The following CSMD1 variants were observed in gnomAD, a reference collection of about 807,000 sequenced individuals.
CSMD1 encodes the protein CUB and sushi domain-containing protein 1.
A neutral mutation model predicts 417.5 loss-of-function variants in CSMD1; 213 were observed. The observed-to-expected ratio is 0.51, with a 90% CI of 0.46 to 0.57. CSMD1 has a LOEUF of 0.57. Ranked by LOEUF, CSMD1 falls within the 20% of genes least tolerant of loss-of-function variation. CSMD1 has a pLI of 0.00. For synonymous variants in CSMD1, 2,862 were observed against 1,736.8 expected, an observed-to-expected ratio of 1.65 and a Z score of -16.11; for missense variants, 6,923 against 4,529.7, an observed-to-expected ratio of 1.53 and a Z score of -15.17.
At chr8:4,390,074 C>T (rs1233557662) in intron 3 of CSMD1, among the ~76,000 whole-genome samples, 1 of 152,154 alleles carries the variant, frequency 6.6e-6, no homozygotes, top group Admixed American at 6.5e-5. Flanking sequence ...TTGAGAATTA[C>T]CACTTCTATG....
At chr8:3,927,867 T>C (rs535554506) in intron 5 of CSMD1, among the ~76,000 whole-genome samples, 35 of 152,296 alleles carry the variant, frequency 2.3e-4, no homozygotes, top group African/African-American at 8.4e-4. Flanking sequence ...AATAGTTTCA[T>C]AAACATTCTT....
At chr8:4,036,246 C>G (rs7012834) in intron 3 of CSMD1, among the ~76,000 whole-genome samples, 31,345 of 152,028 alleles carry the variant, frequency 0.21, 3,593 homozygotes, top group East Asian at 0.39. Flanking sequence ...GTTGTTAAGT[C>G]ATGCATGACT....
At chr8:3,181,351 G>C in intron 36 of CSMD1, 137 bp from the exon 37 acceptor site, 1 of 648,188 alleles carries the variant, frequency 1.5e-6, no homozygotes. Context: ...TCTGAGTGTT[G>C]GTTTTATTAT....
intron 3 of CSMD1, among the ~76,000 whole-genome samples, chr8:4,202,859 G>T (rs913819893): frequency 6.6e-6 from 1 of 152,172 alleles, no homozygotes; most frequent in African/African-American, 2.4e-5. Context: ...TCAAATGCAG[G>T]TACCTGAGAA....
At chr8:4,202,260 T>A (rs533898316) in intron 3 of CSMD1, among the ~76,000 whole-genome samples, 1 of 152,178 alleles carries the variant, frequency 6.6e-6, no homozygotes, top group Non-Finnish European at 1.5e-5. Flanking sequence ...TCAGTTAAGA[T>A]TTTATTCATG....
intron 33 of CSMD1, among the ~76,000 whole-genome samples, chr8:3,190,864 A>G (rs2129051071): frequency 6.6e-6 from 1 of 152,336 alleles, no homozygotes; most frequent in South Asian, 2.1e-4. Context: ...ATAAGCAGCC[A>G]CAGAAGAACG....
At chr8:4,099,997 A>G (rs967206313) in intron 3 of CSMD1, among the ~76,000 whole-genome samples, 2 of 149,938 alleles carry the variant, frequency 1.3e-5, no homozygotes, top group Non-Finnish European at 3.0e-5. Flanking sequence ...ACTCTCATTC[A>G]TTTATTTTCA....
chr8:4,293,820 C>T (rs1465789168), intron 3 of CSMD1, among the ~76,000 whole-genome samples: 3 of 152,134 alleles, frequency 2.0e-5, no homozygotes, highest in African/African-American at 7.2e-5. Flanking sequence ...CATTTCTAAG[C>T]CATTTTAACA....
At chr8:3,760,155 T>C (rs754697369) in intron 5 of CSMD1, among the ~76,000 whole-genome samples, 3 of 152,108 alleles carry the variant, frequency 2.0e-5, no homozygotes, top group Non-Finnish European at 2.9e-5. Flanking sequence ...TAAGGGAATT[T>C]TGACATGCCC....
intron 40 of CSMD1, among the ~76,000 whole-genome samples, chr8:3,148,938 TAGGGATA>T (rs1323492059): frequency 6.6e-6 from 1 of 152,250 alleles, no homozygotes; most frequent in Non-Finnish European, 1.5e-5. Flanking sequence ...TCTAAAAAGC[TAGGGATA>T]ATACTTTTCA....
chr8:4,404,857 C>G (rs1181459836), intron 3 of CSMD1, among the ~76,000 whole-genome samples: 1 of 152,106 alleles, frequency 6.6e-6, no homozygotes, highest in Non-Finnish European at 1.5e-5. Context: ...TACACTCTAC[C>G]AGCCACACTT....
chr8:4,776,473 A>G (rs1228206483), intron 1 of CSMD1, among the ~76,000 whole-genome samples: 2 of 152,174 alleles, frequency 1.3e-5, no homozygotes, highest in Non-Finnish European at 2.9e-5. Context: ...TCAGAGAACA[A>G]GAAGCAGAGT....
intron 3 of CSMD1, among the ~76,000 whole-genome samples, chr8:4,297,573 T>C (rs1308379451): frequency 2.0e-5 from 3 of 152,216 alleles, no homozygotes; most frequent in African/African-American, 7.2e-5. Context: ...GTTGTTATTT[T>C]AATTTTAGAT....
Position 4,586,289 on chromosome 8 carries a change from A to G in CSMD1, c.302+51053T>C, listed in dbSNP as rs181662111. ...GACTGTATTTTAGTACCCATCAGCC[A>G]TTCCCAATTTTTCCCCAGGCAATTC... is the stretch of plus-strand genomic sequence containing the variant. On this transcript the variant is annotated intron_variant, in intron 2 of 69. Coordinates refer to ENST00000635120, the MANE Select transcript of CSMD1 (RefSeq NM_033225.6). Among the ~76,000 whole-genome samples the G allele has an allele frequency of 2.0e-3, 308 of 152,326 alleles. 2 individuals carry two copies. Among genetic ancestry groups the G allele is most frequent in the African/African-American group, 7.2e-3 (301 of 41,572 alleles).
chr8:3,734,523 C>T (rs1205046866), intron 6 of CSMD1, among the ~76,000 whole-genome samples: 1 of 152,108 alleles, frequency 6.6e-6, no homozygotes, highest in Non-Finnish European at 1.5e-5. Context: ...CCAACCTAAC[C>T]AACTTGGTGA....
At chr8:4,508,104 C>CAAAAAAAAAAAAAAAA (rs1563242302) in intron 2 of CSMD1, among the ~76,000 whole-genome samples, 2 of 138,864 alleles carry the variant, frequency 1.4e-5, no homozygotes, top group Non-Finnish European at 3.1e-5. Flanking sequence ...AAAAAAAAAA[C>CAAAAAAAAAAAAAAAA]CCCAAAAAAC....
At chr8:4,764,872 C>CAAAAAAAAAAAAAAAAAAAAAAAAAAAAA (rs1194894751) in intron 1 of CSMD1, among the ~76,000 whole-genome samples, 3 of 50,940 alleles carry the variant, frequency 5.9e-5, no homozygotes, top group African/African-American at 2.5e-4. Flanking sequence ...GACTCCATCT[C>CAAAAAAAAAAAAAAAAAAAAAAAAAAAAA]AAAAAAAAAA....
intron 6 of CSMD1, among the ~76,000 whole-genome samples, chr8:3,740,551 C>G (rs1441405783): frequency 6.6e-6 from 1 of 152,144 alleles, no homozygotes; most frequent in African/African-American, 2.4e-5. Context: ...AGAAGGATTT[C>G]TGCCACAGGG....
chr8:3,838,432 G>C (rs917607644), intron 5 of CSMD1, among the ~76,000 whole-genome samples: 78 of 149,554 alleles, frequency 5.2e-4, no homozygotes, highest in African/African-American at 1.9e-3. Flanking sequence ...TATAGAGGGA[G>C]TGTAAGAGTA....
Sources: allele counts gnomAD v4.1 joint callset (sites outside exome capture counted in the v4.1 genomes callset), GRCh38; gene constraint gnomAD v4.1.1; transcripts MANE v1.5; gene names NCBI Gene and HGNC (gene_info 2026-07-23, HGNC 2026-07-21).